MAP3K19: variants seen among roughly 807,000 people sequenced by gnomAD.
The protein encoded by MAP3K19 is SPS1/STE20-related protein kinase YSK4.
A neutral mutation model predicts 114.4 loss-of-function variants in MAP3K19; 91 were observed. The observed-to-expected ratio is 0.80, with a 90% CI of 0.67 to 0.95. MAP3K19 has a LOEUF of 0.95. Among genes scored for constraint, MAP3K19 ranks in the 40% least tolerant of loss-of-function variants. The pLI, the probability that MAP3K19 is intolerant of heterozygous loss-of-function variation, is 0.00. For missense variants in MAP3K19, 1,471 were observed against 1,573.2 expected, an observed-to-expected ratio of 0.94 and a Z score of 1.10; for synonymous variants, 518 against 530.5, an observed-to-expected ratio of 0.98 and a Z score of 0.32.
chr2:135,011,333 C>T (rs1488222781), intron 5 of MAP3K19, among the ~76,000 whole-genome samples: 1 of 151,286 alleles, frequency 6.6e-6, no homozygotes. Context: ...GTCAGGAGAT[C>T]GAGACCATCC....
At chr2:135,013,715 G>A (rs1687395021) in intron 5 of MAP3K19, among the ~76,000 whole-genome samples, 1 of 151,980 alleles carries the variant, frequency 6.6e-6, no homozygotes, top group South Asian at 2.1e-4. Flanking sequence ...AAATTTATCA[G>A]ACAACAATAT....
intron 3 of MAP3K19, among the ~76,000 whole-genome samples, chr2:135,029,636 A>G (rs1354818480): frequency 6.6e-6 from 1 of 152,220 alleles, no homozygotes; most frequent in East Asian, 1.9e-4. Flanking sequence ...AGGGATTAGA[A>G]GAAACTGTTT....
At chr2:134,978,982 C>G (rs1684434656) in intron 12 of MAP3K19, among the ~76,000 whole-genome samples, 3 of 152,284 alleles carry the variant, frequency 2.0e-5, no homozygotes, top group South Asian at 2.1e-4. Context: ...AGGAGTACCC[C>G]CTCCATGCTT....
intron 3 of MAP3K19, among the ~76,000 whole-genome samples, chr2:135,028,438 T>C (rs191608770): frequency 1.3e-4 from 20 of 151,926 alleles, no homozygotes; most frequent in African/African-American, 3.6e-4. Context: ...GCACCTGTAG[T>C]CCTGGTGACT....
In MAP3K19 at chr2:135,039,746, A is replaced by G. The variant is rs548830068; in HGVS notation, c.-284+617T>C. Among the ~76,000 whole-genome samples the G allele has an allele frequency of 2.6e-5, 4 of 152,330 alleles. No homozygotes were observed. In the East Asian group the frequency reaches 7.7e-4, roughly 29 times the overall value. On this transcript the variant is annotated intron_variant, in intron 2 of 12. Coordinates refer to ENST00000392915, the MANE Select transcript of MAP3K19 (RefSeq NM_025052.5). ...TGCCTCTCCCCAACTCTACATGCTC[A>G]TATTGTTGCCACTTTTACCTGAATG...
intron 8 of MAP3K19, among the ~76,000 whole-genome samples, chr2:134,997,796 T>A: frequency 1.0e-5 from 1 of 97,948 alleles, no homozygotes; most frequent in Middle Eastern, 0.014. Flanking sequence ...TCCAGCCTGG[T>A]GACAGAGCGA....
At chr2:135,020,682 T>C (rs879376331) in intron 5 of MAP3K19, among the ~76,000 whole-genome samples, 1 of 152,144 alleles carries the variant, frequency 6.6e-6, no homozygotes, top group Non-Finnish European at 1.5e-5. Context: ...TAGAAGGTGA[T>C]TGGATCATGG....
Position 134,979,641 on chromosome 2 carries a change from G to GTTT in MAP3K19, c.3920+1177_3920+1179dup, listed in dbSNP as rs774229914. Among the ~76,000 whole-genome samples, 3,583 of 117,670 alleles carry GTTT rather than the reference G, an allele frequency of 0.03. 261 individuals carry two copies. The East Asian group carries it at 0.32, about 11-fold the overall frequency. 77.2% of individuals were successfully genotyped at this position (117,670 alleles called of 152,430 possible). A position where few individuals can be genotyped will look rare whatever the true frequency, so the allele number is the denominator to read the frequency against. On this transcript the variant is annotated intron_variant, in intron 12 of 12. Coordinates refer to ENST00000392915, the MANE Select transcript of MAP3K19 (RefSeq NM_025052.5). ...TACGATTTTCCAACACATTTATGCGGTTTTTTTTTTTTTTTTTTTTGGAGA... is the reference window on the plus strand; with the variant it reads ...TACGATTTTCCAACACATTTATGCGGTTTTTTTTTTTTTTTTTTTTTTTGGAGA...
intron 5 of MAP3K19, among the ~76,000 whole-genome samples, chr2:135,008,457 A>G (rs1039169255): frequency 6.6e-6 from 1 of 152,168 alleles, no homozygotes; most frequent in African/African-American, 2.4e-5. Flanking sequence ...TAGTCTTACA[A>G]TGTAACTCCC....
chr2:135,027,758 T>C (rs1160427607), intron 3 of MAP3K19, among the ~76,000 whole-genome samples: 1 of 152,252 alleles, frequency 6.6e-6, no homozygotes, highest in East Asian at 1.9e-4. Context: ...AATCTTTGCA[T>C]TTTCATTGCT....
At chr2:134,969,835 G>A (rs1683742310) in intron 12 of MAP3K19, among the ~76,000 whole-genome samples, 1 of 152,104 alleles carries the variant, frequency 6.6e-6, no homozygotes, top group Non-Finnish European at 1.5e-5. Context: ...TCGTTCATCT[G>A]CATATGAATA....
chr2:134,992,750 A>G (rs1181477649), intron 8 of MAP3K19, among the ~76,000 whole-genome samples: 1 of 151,726 alleles, frequency 6.6e-6, no homozygotes. Flanking sequence ...GCTCGCTGCA[A>G]CCTCCACCTC....
chr2:135,001,721 T>G (rs1196683288), intron 6 of MAP3K19, among the ~76,000 whole-genome samples: 1 of 152,224 alleles, frequency 6.6e-6, no homozygotes, highest in African/African-American at 2.4e-5. Context: ...GTTAGAAAAC[T>G]GAGTGTATTC....
rs148182510 is a variant in MAP3K19 at position 134,994,963 on chromosome 2, G to C, written c.575-3383C>G. Among the ~76,000 whole-genome samples, 8 of 152,250 alleles carry C rather than the reference G, an allele frequency of 5.3e-5. No homozygotes were observed. The East Asian group carries it at 1.3e-3, about 26-fold the overall frequency. ...AACAACTCTATCTTTCATATTCTCCGTGTACCCTTTCTCAAGAAGCTGCTG... is the reference window on the plus strand; with the variant it reads ...AACAACTCTATCTTTCATATTCTCCCTGTACCCTTTCTCAAGAAGCTGCTG... On this transcript the variant is annotated intron_variant, in intron 8 of 12. Transcript: ENST00000392915.
chr2:135,019,229 A>G (rs897367464), intron 5 of MAP3K19, among the ~76,000 whole-genome samples: 9 of 152,322 alleles, frequency 5.9e-5, no homozygotes, highest in African/African-American at 2.2e-4. Context: ...ATCCATAAAG[A>G]AAAAAATGGA....
chr2:135,011,463 G>A (rs1687223930), intron 5 of MAP3K19, among the ~76,000 whole-genome samples: 2 of 151,484 alleles, frequency 1.3e-5, no homozygotes, highest in Admixed American at 1.3e-4. Flanking sequence ...CGTGAACCCG[G>A]GAGGCGGAGC....
At chr2:135,005,766 C>T (rs1479614407) in intron 5 of MAP3K19, among the ~76,000 whole-genome samples, 1 of 152,208 alleles carries the variant, frequency 6.6e-6, no homozygotes, top group African/African-American at 2.4e-5. Flanking sequence ...GCTGAAATCA[C>T]ATCGACACAT....
intron 6 of MAP3K19, among the ~76,000 whole-genome samples, chr2:135,004,774 C>T (rs16831243): frequency 0.25 from 38,021 of 151,968 alleles, 5,930 homozygotes; most frequent in African/African-American, 0.41. Flanking sequence ...AGATTCCAGA[C>T]TTATGGCCTT....
intron 8 of MAP3K19, among the ~76,000 whole-genome samples, chr2:134,993,832 G>A (rs1225309271): frequency 6.6e-6 from 1 of 152,096 alleles, no homozygotes; most frequent in Non-Finnish European, 1.5e-5. Flanking sequence ...GCAACATAGC[G>A]AGACCCCATC....
Sources: gnomAD v4.1 joint callset for allele counts (sites outside exome capture counted in the v4.1 genomes callset) on GRCh38, gnomAD v4.1.1 for gene constraint, MANE v1.5 for transcripts, NCBI Gene and HGNC (gene_info 2026-07-23, HGNC 2026-07-21) for gene names.